The following DCAF17 variants were observed in gnomAD, a reference collection of about 807,000 sequenced individuals.
DCAF17 encodes the protein DDB1- and CUL4-associated factor 17.
Under a neutral mutation model 66.0 loss-of-function variants are expected in DCAF17, and 48 were observed. The ratio of observed to expected loss-of-function variants is 0.73; its 90% CI spans 0.58 to 0.92. DCAF17 has a LOEUF of 0.92. Ranked by LOEUF, DCAF17 falls within the 40% of genes least tolerant of loss-of-function variation. The pLI is 0.00. For synonymous variants in DCAF17, 206 were observed against 214.6 expected, an observed-to-expected ratio of 0.96 and a Z score of 0.35; for missense variants, 562 against 622.8, an observed-to-expected ratio of 0.90 and a Z score of 1.04.
intron 1 of DCAF17, 43 bp downstream of exon 1, chr2:171,434,746 C>CGCGGCGGCCGA (rs1693718761): frequency 5.0e-6 from 7 of 1,390,966 alleles, no homozygotes; most frequent in Non-Finnish European, 5.5e-6. Flanking sequence ...GCCGCGGGCG[C>CGCGGCGGCCGA]GCGGCGGCCG....
At chr2:171,476,149 C>CTT (rs112721895) in intron 10 of DCAF17, among the ~76,000 whole-genome samples, 1 of 146,800 alleles carries the variant, frequency 6.8e-6, no homozygotes, top group East Asian at 2.0e-4. Flanking sequence ...CTCTGCTGTT[C>CTT]TTTTTTTTTT....
chr2:171,460,004 G>A (rs1315029787), intron 8 of DCAF17, among the ~76,000 whole-genome samples: 4 of 152,222 alleles, frequency 2.6e-5, no homozygotes, highest in East Asian at 3.9e-4. Context: ...CCAAATGGTA[G>A]CATTTTTCTT....
In DCAF17 at chr2:171,483,305, G is replaced by T. The variant is rs1441180247; in HGVS notation, c.*2191G>T. ...AGCTACATGCCCACCTACTTAACAG[G>T]TACTAGTGACAGGTACAAAACATTA... On this transcript the variant is annotated 3_prime_UTR_variant, in exon 14 of 14. Transcript: ENST00000375255. The T allele has an allele frequency of 8.8e-6, 4 of 454,046 alleles. No individual in the cohort carries two copies. Among genetic ancestry groups the T allele is most frequent in the Admixed American group, 7.0e-5 (3 of 42,570 alleles). The allele number at this position is 454,046 out of a possible 1,614,324, so 28.1% of individuals were successfully genotyped here. A position where few individuals can be genotyped will look rare whatever the true frequency, so the allele number is the denominator to read the frequency against.
At chr2:171,469,328 C>A (rs1049950444) in intron 9 of DCAF17, among the ~76,000 whole-genome samples, 3 of 152,124 alleles carry the variant, frequency 2.0e-5, no homozygotes, top group African/African-American at 7.2e-5. Context: ...GTGGGAATCA[C>A]CAATGGAATG....
chr2:171,453,311 C>T, intron 6 of DCAF17, 98 bp downstream of exon 6: 1 of 907,540 alleles, frequency 1.1e-6, no homozygotes, highest in Non-Finnish European at 1.7e-6. Flanking sequence ...GGAAATGCTC[C>T]CCTCACTATA....
intron 8 of DCAF17, among the ~76,000 whole-genome samples, chr2:171,460,554 A>C (rs1695525237): frequency 7.7e-6 from 1 of 130,040 alleles, no homozygotes; most frequent in South Asian, 2.8e-4. Context: ...ATTTTGAGAC[A>C]GGGTCTCACT....
intron 2 of DCAF17, among the ~76,000 whole-genome samples, chr2:171,437,749 G>T (rs376845783): frequency 6.6e-6 from 1 of 152,072 alleles, no homozygotes; most frequent in Admixed American, 6.5e-5. Context: ...CCATGAGATC[G>T]GTAGTGATAG....
intron 12 of DCAF17, 160 bp from the exon 13 acceptor site, chr2:171,479,878 T>C: frequency 7.8e-6 from 6 of 764,682 alleles, no homozygotes; most frequent in Non-Finnish European, 1.2e-5. Context: ...TTACTAGGCA[T>C]ATAAACAGAT....
chr2:171,449,329 A>G (rs922442860), intron 4 of DCAF17, among the ~76,000 whole-genome samples: 3 of 152,192 alleles, frequency 2.0e-5, no homozygotes, highest in Admixed American at 6.5e-5. Context: ...TTGTATCCCT[A>G]ATAAGTAACT....
In DCAF17 at chr2:171,479,887, A is replaced by G. The variant is rs543776027; in HGVS notation, c.1267-151A>G. 411 of 825,828 alleles carry G rather than the reference A, an allele frequency of 5.0e-4. 1 individual carries two copies. Among genetic ancestry groups the G allele is most frequent in the South Asian group, 1.0e-3 (57 of 56,990 alleles). 51.2% of individuals were successfully genotyped at this position (825,828 alleles called of 1,614,324 possible). On this transcript the variant is annotated intron_variant, in intron 12 of 13. Transcript: ENST00000375255. ...GATGTTTTACTAGGCATATAAACAG[A>G]TACATTTCTACCTATTATTCTTCCC...
intron 9 of DCAF17, among the ~76,000 whole-genome samples, chr2:171,469,371 T>C (rs1295922999): frequency 1.3e-5 from 2 of 152,188 alleles, no homozygotes; most frequent in Non-Finnish European, 2.9e-5. Context: ...GCTGGTGGAA[T>C]GTGTTGTTGG....
chr2:171,458,522 G>C, intron 8 of DCAF17, 45 bp downstream of exon 8: 1 of 1,425,172 alleles, frequency 7.0e-7, no homozygotes, highest in Non-Finnish European at 9.9e-7. Flanking sequence ...AAAATTAAGT[G>C]GTCATATAAA....
intron 2 of DCAF17, among the ~76,000 whole-genome samples, chr2:171,439,258 C>T (rs1225961372): frequency 6.6e-6 from 1 of 151,168 alleles, no homozygotes; most frequent in Non-Finnish European, 1.5e-5. Flanking sequence ...ATTTATTTTT[C>T]TCTTTTTCTT....
rs1276707475 is a variant in DCAF17 at position 171,434,584 on chromosome 2, C to T, written c.7C>T (p.Pro3Ser). Reference sequence around the variant, plus strand: ...GGGCCCGGCCCGCGCCTCCATGGGCCCGACCCGGAAGCCCAACGTGTGCAG... The same window carrying T: ...GGGCCCGGCCCGCGCCTCCATGGGCTCGACCCGGAAGCCCAACGTGTGCAG... The part of the protein sequence containing the change: MG[P>S]TRKPNVCSRL... The change falls in exon 1 of 14, where the codon CCG becomes TCG. Residue 3 changes from proline to serine, a missense_variant. Coordinates refer to ENST00000375255, the MANE Select transcript of DCAF17 (RefSeq NM_025000.4). 1 of 1,527,530 alleles carries T rather than the reference C, an allele frequency of 6.5e-7. No individual in the cohort carries two copies. The highest frequency in any genetic ancestry group is 2.0e-5 in the Admixed American group (1 of 50,710). The allele number at this position is 1,527,530 out of a possible 1,614,324, so 94.6% of individuals were successfully genotyped here.
At chr2:171,441,336 G>A (rs910954097) in intron 2 of DCAF17, among the ~76,000 whole-genome samples, 9 of 152,150 alleles carry the variant, frequency 5.9e-5, no homozygotes, top group African/African-American at 1.7e-4. Flanking sequence ...TAGAAGCTGC[G>A]CACTTGGAGT....
chr2:171,434,831 A>AT, intron 1 of DCAF17, 128 bp downstream of exon 1: 1 of 1,370,146 alleles, frequency 7.3e-7, no homozygotes, highest in Non-Finnish European at 9.6e-7. Flanking sequence ...GGAGGAGGAT[A>AT]CAAGCCCGGA....
intron 6 of DCAF17, among the ~76,000 whole-genome samples, chr2:171,455,518 G>A (rs1048046435): frequency 3.3e-5 from 5 of 152,170 alleles, no homozygotes; most frequent in Non-Finnish European, 1.5e-5. Flanking sequence ...TATCCCTTTG[G>A]ATATATACCC....
intron 2 of DCAF17, among the ~76,000 whole-genome samples, chr2:171,437,420 G>A (rs1310233018): frequency 4.6e-5 from 7 of 152,062 alleles, no homozygotes; most frequent in Admixed American, 6.5e-5. Context: ...ATTTATTTCC[G>A]GACGTTCAAG....
intron 6 of DCAF17, 88 bp downstream of exon 6, chr2:171,453,301 G>T: frequency 1.0e-6 from 1 of 997,782 alleles, no homozygotes; most frequent in South Asian, 1.6e-5. Context: ...ATATTTGATT[G>T]GAAATGCTCC....
Sources: allele counts gnomAD v4.1 joint callset (sites outside exome capture counted in the v4.1 genomes callset), GRCh38; gene constraint gnomAD v4.1.1; transcripts MANE v1.5; gene names NCBI Gene and HGNC (gene_info 2026-07-23, HGNC 2026-07-21).